Variants in SLC25A21 observed in about 807,000 individuals in gnomAD.
SLC25A21 encodes the protein mitochondrial 2-oxodicarboxylate carrier.
In SLC25A21, 47 loss-of-function variants were observed where a neutral mutation model predicts 43.8. That is an observed-to-expected ratio of 1.07 (90% CI 0.85 to 1.37). The LOEUF is 1.37. Among genes scored for constraint, SLC25A21 ranks in the 40% most tolerant of loss-of-function variants. The pLI is 0.00. For synonymous variants in SLC25A21, 131 were observed against 121.3 expected (o/e 1.08, Z -0.52); for missense variants, 352 against 350.2 (o/e 1.00, Z -0.04).
intron 2 of SLC25A21, among the ~76,000 whole-genome samples, chr14:36,844,733 A>G (rs1482631279): frequency 6.6e-6 from 1 of 152,192 alleles, no homozygotes; most frequent in Non-Finnish European, 1.5e-5. Context: ...CTTCAGCACC[A>G]TTCGAAAATC....
chr14:36,968,888 T>C (rs1959682856), intron 1 of SLC25A21, among the ~76,000 whole-genome samples: 1 of 152,088 alleles, frequency 6.6e-6, no homozygotes, highest in Non-Finnish European at 1.5e-5. Context: ...TGTACACATA[T>C]CAAAGAAAAT....
intron 1 of SLC25A21, among the ~76,000 whole-genome samples, chr14:36,919,067 T>C (rs535025040): frequency 2.6e-5 from 4 of 151,668 alleles, no homozygotes; most frequent in Admixed American, 6.6e-5. Flanking sequence ...CCTAGGAACA[T>C]TCATATAAAA....
intron 2 of SLC25A21, among the ~76,000 whole-genome samples, chr14:36,836,777 G>A (rs569231951): frequency 6.6e-6 from 1 of 152,300 alleles, no homozygotes; most frequent in South Asian, 2.1e-4. Flanking sequence ...GGGAAGAAAG[G>A]CAATGGCAAG....
chr14:36,863,518 A>C (rs980139338), intron 2 of SLC25A21, among the ~76,000 whole-genome samples: 1 of 152,214 alleles, frequency 6.6e-6, no homozygotes, highest in African/African-American at 2.4e-5. Context: ...ATTTACAAAA[A>C]AATAAGTAAA....
At chr14:37,113,678 A>T in intron 1 of SLC25A21, among the ~76,000 whole-genome samples, 1 of 152,066 alleles carries the variant, frequency 6.6e-6, no homozygotes, top group African/African-American at 2.4e-5. Flanking sequence ...AGATGGTAAA[A>T]CCCTGTCTCC....
chr14:36,697,649 C>G (rs1485847844), intron 7 of SLC25A21, among the ~76,000 whole-genome samples: 1 of 151,888 alleles, frequency 6.6e-6, no homozygotes, highest in Admixed American at 6.6e-5. Flanking sequence ...GAATTGATCC[C>G]TTTACCATTA....
At chr14:36,931,141 G>C (rs1892276828) in intron 1 of SLC25A21, among the ~76,000 whole-genome samples, 1 of 152,124 alleles carries the variant, frequency 6.6e-6, no homozygotes, top group Admixed American at 6.6e-5. Flanking sequence ...TGGGATGCCT[G>C]ACACTTCTTA....
intron 1 of SLC25A21, among the ~76,000 whole-genome samples, chr14:37,129,848 C>A (rs1029699219): frequency 3.3e-5 from 5 of 151,596 alleles, no homozygotes; most frequent in Non-Finnish European, 5.9e-5. Context: ...TTATATTTAT[C>A]CTATTCTAAT....
intron 1 of SLC25A21, among the ~76,000 whole-genome samples, chr14:37,040,891 G>C (rs1340392650): frequency 6.6e-6 from 1 of 151,844 alleles, no homozygotes; most frequent in Non-Finnish European, 1.5e-5. Flanking sequence ...ATAGAAAATA[G>C]CTTAAGAAGT....
At chr14:36,952,054 T>C (rs1176594224) in intron 1 of SLC25A21, among the ~76,000 whole-genome samples, 2 of 151,910 alleles carry the variant, frequency 1.3e-5, no homozygotes, top group African/African-American at 2.4e-5. Flanking sequence ...GCCAACATGA[T>C]GAAACCCCAT....
At chr14:36,796,327 A>G (rs1387460734) in intron 3 of SLC25A21, among the ~76,000 whole-genome samples, 2 of 151,948 alleles carry the variant, frequency 1.3e-5, no homozygotes, top group Non-Finnish European at 2.9e-5. Context: ...CCACTTCAGT[A>G]AATAAAAAAG....
intron 1 of SLC25A21, among the ~76,000 whole-genome samples, chr14:36,957,770 TAAC>T (rs1959379253): frequency 6.6e-6 from 1 of 152,248 alleles, no homozygotes; most frequent in African/African-American, 2.4e-5. Context: ...CCTTTCAATG[TAAC>T]TCACTATGTC....
Position 36,892,550 on chromosome 14 carries a change from C to CT in SLC25A21, c.71-17547dup, listed in dbSNP as rs901292134. Among the ~76,000 whole-genome samples the CT allele has an allele frequency of 3.0e-3, 448 of 149,034 alleles. 1 individual carries two copies. The highest frequency in any genetic ancestry group is 3.7e-3 in the Non-Finnish European group (247 of 66,954). On this transcript the variant is annotated intron_variant, in intron 1 of 9. Coordinates refer to ENST00000331299, the MANE Select transcript of SLC25A21 (RefSeq NM_030631.4). Reference sequence around the variant, plus strand: ...GAAAGACCAATACCACATAATCTCACTTTTTTTTTTATTATACTTTAAGTT... The same window carrying CT: ...GAAAGACCAATACCACATAATCTCACTTTTTTTTTTTATTATACTTTAAGTT...
chr14:37,021,604 G>A (rs17105971), intron 1 of SLC25A21, among the ~76,000 whole-genome samples: 1,588 of 152,030 alleles, frequency 0.01, 31 homozygotes, highest in African/African-American at 0.036. Flanking sequence ...CTTCAGCTCT[G>A]TAAATCAACA....
At chr14:36,959,894 T>C (rs905220166) in intron 1 of SLC25A21, among the ~76,000 whole-genome samples, 1 of 152,230 alleles carries the variant, frequency 6.6e-6, no homozygotes, top group Non-Finnish European at 1.5e-5. Context: ...AGAAACAAGC[T>C]GGAGTCCTCC....
intron 1 of SLC25A21, among the ~76,000 whole-genome samples, chr14:36,995,704 G>A (rs1215235268): frequency 6.6e-6 from 1 of 152,168 alleles, no homozygotes; most frequent in African/African-American, 2.4e-5. Flanking sequence ...TTACCTGGAA[G>A]TTTTCTAAAA....
intron 3 of SLC25A21, among the ~76,000 whole-genome samples, chr14:36,772,864 C>T (rs1886674291): frequency 6.6e-6 from 1 of 152,198 alleles, no homozygotes; most frequent in Non-Finnish European, 1.5e-5. Flanking sequence ...ATAACTACAT[C>T]TTCCTTTGTT....
At position 37,101,626 on chromosome 14, in the gene SLC25A21, T is replaced by C. The variant is rs896276341; in HGVS notation, c.70+70655A>G. On this transcript the variant is annotated intron_variant, in intron 1 of 9. Coordinates refer to ENST00000331299, the MANE Select transcript of SLC25A21 (RefSeq NM_030631.4). Reference sequence around the variant, plus strand: ...TGGAATAATGGTATAACAAACTTTATAGTCATGCAATAAATTTTAAATGAT... The same window carrying C: ...TGGAATAATGGTATAACAAACTTTACAGTCATGCAATAAATTTTAAATGAT... Among the ~76,000 whole-genome samples, 9 of 152,336 alleles carry C rather than the reference T, an allele frequency of 5.9e-5. No homozygotes were observed. The East Asian group carries it at 1.5e-3, about 26-fold the overall frequency.
intron 1 of SLC25A21, among the ~76,000 whole-genome samples, chr14:37,067,875 G>C (rs967193183): frequency 1.3e-5 from 2 of 152,208 alleles, no homozygotes; most frequent in African/African-American, 2.4e-5. Flanking sequence ...ATAGGATTAA[G>C]AACAAAATAT....
Sources: gnomAD v4.1 joint callset for allele counts (sites outside exome capture counted in the v4.1 genomes callset) on GRCh38, gnomAD v4.1.1 for gene constraint, MANE v1.5 for transcripts, NCBI Gene and HGNC (gene_info 2026-07-23, HGNC 2026-07-21) for gene names.